TMEM260: variants seen among roughly 807,000 people sequenced by gnomAD.
TMEM260 encodes the protein transmembrane protein 260.
A neutral mutation model predicts 88.9 loss-of-function variants in TMEM260; 82 were observed. The ratio of observed to expected loss-of-function variants is 0.92; its 90% confidence interval spans 0.77 to 1.11. The LOEUF (loss-of-function observed/expected upper bound fraction) is 1.11, where lower values mean the gene tolerates loss of function less well. Among genes scored for constraint, TMEM260 ranks in the 50% least tolerant of loss-of-function variants. The pLI is 0.00. For missense variants in TMEM260, 902 were observed against 853.4 expected (o/e 1.06, Z -0.71); for synonymous variants, 314 against 309.3 (o/e 1.02, Z -0.16).
chr14:56,612,326 C>G (rs750243225), intron 7 of TMEM260, 41 bp downstream of exon 7: 2 of 1,514,454 alleles, frequency 1.3e-6, no homozygotes, highest in East Asian at 2.3e-5. Flanking sequence ...AATGAATTCT[C>G]TATTAGTTCC....
chr14:56,585,627 C>A, intron 2 of TMEM260, 134 bp from the exon 3 acceptor site: 3 of 794,368 alleles, frequency 3.8e-6, no homozygotes, highest in East Asian at 2.6e-5. Context: ...AATAGAAAAC[C>A]ACTATTCAAA....
chr14:56,618,063 C>G (rs1175614268), intron 9 of TMEM260, among the ~76,000 whole-genome samples: 1 of 152,204 alleles, frequency 6.6e-6, no homozygotes, highest in African/African-American at 2.4e-5. Context: ...TCCCCCACCC[C>G]ACTGGTGCCA....
At chr14:56,616,592 T>C (rs1023629951) in intron 8 of TMEM260, among the ~76,000 whole-genome samples, 3 of 152,016 alleles carry the variant, frequency 2.0e-5, no homozygotes, top group Admixed American at 6.6e-5. Flanking sequence ...GGAGAATTAA[T>C]TTAACTGTTC....
chr14:56,634,787 A>G, intron 13 of TMEM260, 112 bp from the exon 14 acceptor site: 2 of 888,910 alleles, frequency 2.2e-6, no homozygotes, highest in Non-Finnish European at 3.6e-6. Context: ...GGTTGCAGTG[A>G]GCCAAGATCG....
intron 2 of TMEM260, 115 bp from the exon 3 acceptor site, chr14:56,585,646 C>A: frequency 1.1e-6 from 1 of 934,556 alleles, no homozygotes; most frequent in South Asian, 1.7e-5. Context: ...AACATTTAGT[C>A]ATTGGTGCCT....
intron 1 of TMEM260, among the ~76,000 whole-genome samples, chr14:56,583,540 A>G (rs1885276238): frequency 6.6e-6 from 1 of 152,120 alleles, no homozygotes; most frequent in Non-Finnish European, 1.5e-5. Context: ...TGAAATGGAT[A>G]GGATAATGTT....
At chr14:56,593,366 C>G (rs1885985485) in intron 3 of TMEM260, 1 of 152,116 alleles carries the variant, frequency 6.6e-6, no homozygotes, top group African/African-American at 2.4e-5. Flanking sequence ...CTGTCATACT[C>G]TTGGTGTGTC....
intron 1 of TMEM260, among the ~76,000 whole-genome samples, chr14:56,580,657 A>G (rs903510054): frequency 1.3e-5 from 2 of 152,212 alleles, no homozygotes; most frequent in Non-Finnish European, 2.9e-5. Flanking sequence ...GGAACTAGCC[A>G]TGCAGAATAT....
At chr14:56,624,325 G>C (rs564588943) in intron 11 of TMEM260, among the ~76,000 whole-genome samples, 2 of 152,288 alleles carry the variant, frequency 1.3e-5, no homozygotes, top group African/African-American at 4.8e-5. Flanking sequence ...TGTAATCCCA[G>C]AACTTTGGGA....
chr14:56,614,821 G>A (rs1887501711), intron 7 of TMEM260, among the ~76,000 whole-genome samples: 2 of 152,048 alleles, frequency 1.3e-5, no homozygotes, highest in East Asian at 3.9e-4. Flanking sequence ...GTTTCAGGTG[G>A]GCAGGAACAT....
intron 11 of TMEM260, 90 bp downstream of exon 11, chr14:56,621,792 T>A: frequency 8.9e-7 from 1 of 1,128,428 alleles, no homozygotes; most frequent in Non-Finnish European, 1.2e-6. Context: ...GGTGGACGGG[T>A]ACAGTTTTCA....
intron 1 of TMEM260, among the ~76,000 whole-genome samples, chr14:56,582,116 C>T (rs1182184618): frequency 2.6e-5 from 4 of 152,082 alleles, no homozygotes; most frequent in Admixed American, 2.0e-4. Flanking sequence ...TTTGCTTTAT[C>T]GTATATTTGA....
intron 3 of TMEM260, among the ~76,000 whole-genome samples, chr14:56,598,589 G>C (rs1442181947): frequency 6.6e-6 from 1 of 152,164 alleles, no homozygotes; most frequent in African/African-American, 2.4e-5. Flanking sequence ...CTCAGATAAT[G>C]CATAGGAAAT....
chr14:56,633,808 A>G (rs73279613), intron 13 of TMEM260, among the ~76,000 whole-genome samples: 2,756 of 152,300 alleles, frequency 0.018, 90 homozygotes, highest in African/African-American at 0.063. Context: ...ACACACACAC[A>G]GAGTCACTAT....
intron 11 of TMEM260, among the ~76,000 whole-genome samples, chr14:56,622,593 C>T (rs1274252221): frequency 3.3e-5 from 5 of 151,792 alleles, no homozygotes; most frequent in African/African-American, 9.7e-5. Flanking sequence ...ATTTTGAGGG[C>T]TATGAAAACT....
At chr14:56,612,515 A>G in intron 7 of TMEM260, 1 of 532,028 alleles carries the variant, frequency 1.9e-6, no homozygotes, top group South Asian at 2.5e-5. Flanking sequence ...AAGTCCTGAT[A>G]TAAAATGGCA....
At position 56,636,533 on chromosome 14, in the gene TMEM260, AACCTGGCAGAAAC is replaced by A; in HGVS notation, c.1805_1817del (p.Asn602MetfsTer8). On this transcript the variant is annotated frameshift_variant, in exon 15 of 16. Coordinates refer to ENST00000261556, the MANE Select transcript of TMEM260 (RefSeq NM_017799.4). LOFTEE classifies it high-confidence loss of function. ...GATGAAAACACCGTTCTTCATCTTTAACCTGGCAGAAACTGCTCACATGCCTTCAAAAGTGAAA... is the reference window on the plus strand; with the variant it reads ...GATGAAAACACCGTTCTTCATCTTTATGCTCACATGCCTTCAAAAGTGAAA... 1 of 1,614,052 alleles carries A rather than the reference AACCTGGCAGAAAC, an allele frequency of 6.2e-7. No individual in the cohort carries two copies. Among genetic ancestry groups the A allele is most frequent in the Non-Finnish European group, 8.5e-7 (1 of 1,179,978 alleles).
At chr14:56,595,044 AAGGCCCC>A (rs1376380436) in intron 3 of TMEM260, among the ~76,000 whole-genome samples, 4 of 152,180 alleles carry the variant, frequency 2.6e-5, no homozygotes, top group African/African-American at 9.6e-5. Context: ...TAAGATAATA[AAGGCCCC>A]AGTGATCAAA....
intron 3 of TMEM260, among the ~76,000 whole-genome samples, chr14:56,587,621 A>G (rs1487901392): frequency 6.6e-6 from 1 of 152,068 alleles, no homozygotes; most frequent in Non-Finnish European, 1.5e-5. Flanking sequence ...ATATGACTAA[A>G]TTAGGTATTT....
Sources: gnomAD v4.1 joint callset for allele counts (sites outside exome capture counted in the v4.1 genomes callset) on GRCh38, gnomAD v4.1.1 for gene constraint, MANE v1.5 for transcripts, NCBI Gene and HGNC (gene_info 2026-07-23, HGNC 2026-07-21) for gene names.